Variants in NSL1 observed in about 807,000 individuals in gnomAD.
NSL1 encodes the protein kinetochore-associated protein NSL1 homolog.
A neutral mutation model predicts 25.4 loss-of-function variants in NSL1; 11 were observed. The observed-to-expected ratio is 0.43, with a 90% CI of 0.27 to 0.72. The LOEUF (loss-of-function observed/expected upper bound fraction) is 0.72, where lower values mean the gene tolerates loss of function less well. NSL1 is among the 30% of genes least tolerant of loss of function. The probability of loss-of-function intolerance (pLI) is 0.19; values close to 1 mark genes in which losing one functional copy is unlikely to be tolerated. For missense variants in NSL1, 330 were observed against 342.7 expected (o/e 0.96, Z 0.29); for synonymous variants, 118 against 120.6 (o/e 0.98, Z 0.14).
intron 4 of NSL1, among the ~76,000 whole-genome samples, chr1:212,761,530 T>C (rs1434633079): frequency 1.3e-5 from 2 of 152,002 alleles, no homozygotes; most frequent in Non-Finnish European, 2.9e-5. Flanking sequence ...TCCCAGCTAC[T>C]TGGGAGGCGG....
At chr1:212,785,900 A>G (rs573526631) in intron 2 of NSL1, among the ~76,000 whole-genome samples, 1 of 152,316 alleles carries the variant, frequency 6.6e-6, no homozygotes, top group Admixed American at 6.5e-5. Flanking sequence ...GAAATTGCTG[A>G]TATGTTTCGG....
chr1:212,727,559 C>T lies in NSL1; in HGVS notation c.*10849G>A. 3 of 985,382 alleles carry T rather than the reference C, an allele frequency of 3.0e-6. No homozygotes were observed. Among genetic ancestry groups the T allele is most frequent in the Non-Finnish European group, 3.6e-6 (3 of 829,898 alleles). The allele number at this position is 985,382 out of a possible 1,614,324, so 61.0% of individuals were successfully genotyped here. A position where few individuals can be genotyped will look rare whatever the true frequency, so the allele number is the denominator to read the frequency against. ...AGGACAATGAATTAGACGTGTGCCA[C>T]ATACTTCTCTCAAAAACTTTATGAC... On this transcript the variant is annotated 3_prime_UTR_variant, in exon 6 of 6. Transcript: ENST00000366977.
intron 4 of NSL1, among the ~76,000 whole-genome samples, chr1:212,771,870 T>C (rs1042106067): frequency 3.3e-5 from 5 of 152,150 alleles, no homozygotes; most frequent in African/African-American, 7.2e-5. Context: ...GAATATGATA[T>C]AGTTTGGCTG....
intron 4 of NSL1, among the ~76,000 whole-genome samples, chr1:212,780,261 AGG>A (rs1204131550): frequency 1.3e-5 from 2 of 152,090 alleles, no homozygotes; most frequent in African/African-American, 4.8e-5. Context: ...AAATGGATTA[AGG>A]GTGGTGCAAG....
rs141543487 is a variant in NSL1 at position 212,752,911 on chromosome 1, G to A, written c.500-13310C>T. Among the ~76,000 whole-genome samples the A allele has an allele frequency of 6.1e-5, 9 of 146,956 alleles. No homozygotes were observed. In the East Asian group the frequency reaches 1.8e-3, roughly 29 times the overall value. ...CAGCAAAAAAAAAAAAAAGCACTAA[G>A]TGAGTACTTCCTTTCTATTTCCAAT... On this transcript the variant is annotated intron_variant, in intron 4 of 5. Coordinates refer to ENST00000366977, the MANE Select transcript of NSL1 (RefSeq NM_015471.4).
chr1:212,749,164 T>G (rs772991581), intron 4 of NSL1, among the ~76,000 whole-genome samples: 1 of 152,192 alleles, frequency 6.6e-6, no homozygotes, highest in Non-Finnish European at 1.5e-5. Context: ...TACTGCAATA[T>G]ATGTGCACAC....
chr1:212,787,602 A>G lies in NSL1; in HGVS notation c.270T>C (p.Ile90=). The part of the protein sequence containing the change: ...FESAVQENIS[I]NGQAWQEASD... ...AAGCTTCCTGCCATGCTTGCCCATT[A>G]ATGCTGATATTCTCTTGCACAGCTG... Residue 90 remains isoleucine, a synonymous_variant, in exon 2 of 6, where the codon ATT becomes ATC. Coordinates refer to ENST00000366977, the MANE Select transcript of NSL1 (RefSeq NM_015471.4). The G allele has an allele frequency of 6.2e-7, 1 of 1,607,954 alleles. No individual in the cohort carries two copies. Among genetic ancestry groups the G allele is most frequent in the South Asian group, 1.1e-5 (1 of 89,738 alleles).
At chr1:212,782,294 C>G (rs1660763081) in intron 4 of NSL1, 78 bp downstream of exon 4, 7 of 981,338 alleles carry the variant, frequency 7.1e-6, no homozygotes, top group African/African-American at 1.6e-5. Flanking sequence ...TGATGCTGAC[C>G]CTTTTAGAAG....
At position 212,732,798 on chromosome 1, in the gene NSL1, C is replaced by T. The variant is rs1658080064; in HGVS notation, c.*5610G>A. The T allele has an allele frequency of 5.5e-6, 1 of 181,544 alleles. No individual in the cohort carries two copies. The highest frequency in any genetic ancestry group is 6.5e-5 in the Admixed American group (1 of 15,294). 11.2% of individuals were successfully genotyped at this position (181,544 alleles called of 1,614,324 possible). A position where few individuals can be genotyped will look rare whatever the true frequency, so the allele number is the denominator to read the frequency against. ...GCCTTGGAGGTAATTTTTTTTGACG[C>T]TTTGCATATCTGAGATATCTTTTAG... On this transcript the variant is annotated 3_prime_UTR_variant, in exon 6 of 6. Transcript: ENST00000366977.
intron 1 of NSL1, among the ~76,000 whole-genome samples, chr1:212,790,009 C>A (rs1661115979): frequency 6.6e-6 from 1 of 152,006 alleles, no homozygotes; most frequent in Non-Finnish European, 1.5e-5. Context: ...TTTCTTCATT[C>A]TTCCACTGAA....
chr1:212,731,130 T>C lies in NSL1; in HGVS notation c.*7278A>G. The C allele has an allele frequency of 1.0e-6, 1 of 981,444 alleles. No homozygotes were observed. The highest frequency in any genetic ancestry group is 1.2e-6 in the Non-Finnish European group (1 of 828,450). The allele number at this position is 981,444 out of a possible 1,614,324, so 60.8% of individuals were successfully genotyped here. ...CAGTGGTTCTCTAGAGAGATATTTT[T>C]TTCTTCAGAGACTTTCATAATATAA... On this transcript the variant is annotated 3_prime_UTR_variant, in exon 6 of 6. Transcript: ENST00000366977.
chr1:212,738,776 T>G, intron 5 of NSL1, 90 bp from the exon 6 acceptor site: 3 of 1,162,690 alleles, frequency 2.6e-6, no homozygotes, highest in Non-Finnish European at 3.6e-6. Flanking sequence ...ATTTTTTTTT[T>G]TTTTCTTGAG....
Position 212,755,363 on chromosome 1 carries a change from T to C in NSL1, c.500-15762A>G, listed in dbSNP as rs535673258. ...AGGAGTCCTCAGATAAAAGTATATA[T>C]GGAGATGTTAATGGAAGATGGGAGA... On this transcript the variant is annotated intron_variant, in intron 4 of 5. Coordinates refer to ENST00000366977, the MANE Select transcript of NSL1 (RefSeq NM_015471.4). 2.2e-3 allele frequency among the ~76,000 whole-genome samples: 335 copies of C among 152,050 alleles called. 3 individuals are homozygous for C. The highest frequency in any genetic ancestry group is 7.9e-3 in the African/African-American group (328 of 41,530).
intron 4 of NSL1, chr1:212,781,998 A>G (rs1660751213): frequency 1.9e-6 from 1 of 516,254 alleles, no homozygotes; most frequent in Admixed American, 2.1e-5. Flanking sequence ...AATGATGGTT[A>G]CTGCACCAGG....
At chr1:212,754,841 A>C (rs1659232242) in intron 4 of NSL1, among the ~76,000 whole-genome samples, 1 of 151,986 alleles carries the variant, frequency 6.6e-6, no homozygotes, top group Non-Finnish European at 1.5e-5. Context: ...AGCTTACTTA[A>C]AGCTAAACCA....
chr1:212,767,415 C>T (rs931048112), intron 4 of NSL1, among the ~76,000 whole-genome samples: 2 of 152,138 alleles, frequency 1.3e-5, no homozygotes, highest in African/African-American at 2.4e-5. Flanking sequence ...ATACAAAAAT[C>T]GACTCAAGAT....
At chr1:212,762,306 C>CAAAAAAAAAAAAAA (rs71147025) in intron 4 of NSL1, among the ~76,000 whole-genome samples, 16 of 114,612 alleles carry the variant, frequency 1.4e-4, no homozygotes, top group East Asian at 2.5e-4. Context: ...TTAAAAGAAA[C>CAAAAAAAAAAAAAA]AAAAAAAAAA....
intron 4 of NSL1, among the ~76,000 whole-genome samples, chr1:212,744,782 G>C (rs997457779): frequency 2.6e-4 from 40 of 152,118 alleles, no homozygotes; most frequent in Admixed American, 2.6e-3. Context: ...GAAGAATTAA[G>C]GAACTTGAAG....
At chr1:212,788,481 G>A (rs925908861) in intron 1 of NSL1, among the ~76,000 whole-genome samples, 3 of 152,170 alleles carry the variant, frequency 2.0e-5, no homozygotes, top group African/African-American at 7.2e-5. Context: ...CTAATTTTTT[G>A]TAAGGTTGAA....
Sources: allele counts gnomAD v4.1 joint callset (sites outside exome capture counted in the v4.1 genomes callset), GRCh38; gene constraint gnomAD v4.1.1; transcripts MANE v1.5; gene names NCBI Gene and HGNC (gene_info 2026-07-23, HGNC 2026-07-21).